Variants in GPR158 observed in about 807,000 individuals in gnomAD.
GPR158 encodes metabotropic glycine receptor.
Under a neutral mutation model 78.2 loss-of-function variants are expected in GPR158, and 30 were observed. The observed-to-expected ratio is 0.38, with a 90% confidence interval of 0.29 to 0.52. The LOEUF is 0.52. Ranked by LOEUF, GPR158 falls within the 20% of genes least tolerant of loss-of-function variation. GPR158 has a pLI of 0.83. For missense variants in GPR158, 1,463 were observed against 1,523.5 expected (o/e 0.96, Z 0.66); for synonymous variants, 581 against 591.1 (o/e 0.98, Z 0.25).
intron 1 of GPR158, among the ~76,000 whole-genome samples, chr10:25,187,420 A>G (rs1164794612): frequency 6.6e-6 from 1 of 152,164 alleles, no homozygotes; most frequent in Non-Finnish European, 1.5e-5. Flanking sequence ...AGCACATCAA[A>G]AAGCTTATCC....
In GPR158 at chr10:25,533,572, C is replaced by T. The variant is rs138416993; in HGVS notation, c.1405-17404C>T. On this transcript the variant is annotated intron_variant, in intron 5 of 10. Transcript: ENST00000376351. ...TCTACATGAATTATTCGGTTTAAAACATTCATTTTACCATTTGTTAACTTC... is the reference window on the plus strand; with the variant it reads ...TCTACATGAATTATTCGGTTTAAAATATTCATTTTACCATTTGTTAACTTC... Among the ~76,000 whole-genome samples, 141 of 152,280 alleles carry T rather than the reference C, an allele frequency of 9.3e-4. 3 individuals are homozygous for T. The South Asian group carries it at 0.024, about 26-fold the overall frequency.
chr10:25,291,727 A>G (rs902006546), intron 2 of GPR158, among the ~76,000 whole-genome samples: 1 of 152,086 alleles, frequency 6.6e-6, no homozygotes, highest in Non-Finnish European at 1.5e-5. Flanking sequence ...ATCTTTAATC[A>G]TAAATGAACT....
At chr10:25,431,286 A>T (rs1463386999) in intron 4 of GPR158, among the ~76,000 whole-genome samples, 1 of 138,670 alleles carries the variant, frequency 7.2e-6, no homozygotes. Context: ...CATCAGAGAA[A>T]TGCAAATCAA....
rs190764298 is a variant in GPR158 at position 25,217,172 on chromosome 10, T to C, written c.903-3880T>C. Among the ~76,000 whole-genome samples the C allele has an allele frequency of 7.9e-5, 12 of 152,312 alleles. No individual in the cohort carries two copies. In the East Asian group the frequency reaches 2.1e-3, roughly 27 times the overall value. On this transcript the variant is annotated intron_variant, in intron 1 of 10. Transcript: ENST00000376351. The stretch of plus-strand genomic sequence containing the variant: ...ATAAAACTTGCAAAAATAAGATATT[T>C]TGAATGCAATGGTCTCTTTCTGGTA...
intron 2 of GPR158, chr10:25,393,680 C>G (rs1296688793): frequency 6.6e-6 from 1 of 152,242 alleles, no homozygotes; most frequent in African/African-American, 2.4e-5. Flanking sequence ...TGGTTCTCCT[C>G]TATTTGGGAA....
At chr10:25,253,267 CG>C (rs1306977057) in intron 2 of GPR158, among the ~76,000 whole-genome samples, 80 of 152,234 alleles carry the variant, frequency 5.3e-4, no homozygotes, top group African/African-American at 1.8e-3. Flanking sequence ...CAGAAATCAC[CG>C]GTCTTCTGCG....
At chr10:25,370,617 TGTG>T (rs1833973561) in intron 2 of GPR158, among the ~76,000 whole-genome samples, 1 of 148,012 alleles carries the variant, frequency 6.8e-6, no homozygotes, top group Non-Finnish European at 1.5e-5. Context: ...ATAGGTGTGG[TGTG>T]GTGCTGAAAA....
chr10:25,425,281 C>G (rs973481038), intron 4 of GPR158, among the ~76,000 whole-genome samples: 4 of 152,148 alleles, frequency 2.6e-5, no homozygotes, highest in African/African-American at 9.6e-5. Flanking sequence ...AGTAGTTTTA[C>G]AAATTTACAT....
chr10:25,469,020 G>A (rs1209112247), intron 5 of GPR158, among the ~76,000 whole-genome samples: 1 of 152,188 alleles, frequency 6.6e-6, no homozygotes, highest in African/African-American at 2.4e-5. Context: ...GTAAGAGAAG[G>A]AAAGGTACGG....
At chr10:25,562,785 T>C (rs773964413) in intron 6 of GPR158, among the ~76,000 whole-genome samples, 3 of 152,226 alleles carry the variant, frequency 2.0e-5, no homozygotes, top group African/African-American at 7.2e-5. Context: ...GTCTGTAAGG[T>C]CTAGTTGGCT....
chr10:25,433,570 T>TGTGC (rs1554803626), intron 4 of GPR158, among the ~76,000 whole-genome samples: 1,392 of 128,494 alleles, frequency 0.011, 16 homozygotes, highest in African/African-American at 0.024. Context: ...TGTGTGTGTG[T>TGTGC]GCGCGCGCGC....
At chr10:25,252,105 T>G (rs985636362) in intron 2 of GPR158, among the ~76,000 whole-genome samples, 1 of 152,220 alleles carries the variant, frequency 6.6e-6, no homozygotes, top group Admixed American at 6.5e-5. Context: ...GTTGATCGCA[T>G]CAGCTCCTGA....
chr10:25,445,520 G>A lies in GPR158; in HGVS notation c.1336-21131G>A, dbSNP rs191729734. Among the ~76,000 whole-genome samples, 4 of 152,290 alleles carry A rather than the reference G, an allele frequency of 2.6e-5. No homozygotes were observed. The East Asian group carries it at 5.8e-4, about 22-fold the overall frequency. ...CAAAGAAAATGACATGGTTACATTT[G>A]TATTTCATAGAAATCTCTCTGGTTG... On this transcript the variant is annotated intron_variant, in intron 4 of 10. Coordinates refer to ENST00000376351, the MANE Select transcript of GPR158 (RefSeq NM_020752.3).
chr10:25,429,036 T>G (rs1834860070), intron 4 of GPR158, among the ~76,000 whole-genome samples: 1 of 152,068 alleles, frequency 6.6e-6, no homozygotes, highest in East Asian at 1.9e-4. Context: ...CTGTTCTGTT[T>G]AGGGATAGCC....
chr10:25,596,966 C>T (rs972040133), intron 10 of GPR158, among the ~76,000 whole-genome samples, 177 bp downstream of exon 10: 4 of 152,178 alleles, frequency 2.6e-5, no homozygotes, highest in Admixed American at 1.3e-4. Flanking sequence ...AGAGTTAATC[C>T]AGTTCTAAAA....
chr10:25,523,722 C>G (rs984797684), intron 5 of GPR158, among the ~76,000 whole-genome samples: 7 of 152,062 alleles, frequency 4.6e-5, no homozygotes, highest in African/African-American at 1.7e-4. Context: ...CCAACTAGAC[C>G]TAGCAGACAT....
chr10:25,416,518 G>A (rs374776411), intron 4 of GPR158, among the ~76,000 whole-genome samples: 3 of 152,052 alleles, frequency 2.0e-5, no homozygotes, highest in African/African-American at 4.8e-5. Flanking sequence ...AGAAAGTTAT[G>A]GAAACCTCTC....
At chr10:25,303,172 GTAAC>G (rs1047557620) in intron 2 of GPR158, among the ~76,000 whole-genome samples, 23 of 152,332 alleles carry the variant, frequency 1.5e-4, no homozygotes, top group Non-Finnish European at 2.2e-4. Context: ...TAGTTAATAA[GTAAC>G]TGCTAGCCAC....
intron 9 of GPR158, among the ~76,000 whole-genome samples, chr10:25,595,042 G>A (rs957307514): frequency 2.0e-5 from 3 of 152,074 alleles, no homozygotes; most frequent in Admixed American, 6.6e-5. Flanking sequence ...TCTCTGGGGG[G>A]AAGGTATTAT....
Sources: gnomAD v4.1 joint callset for allele counts (sites outside exome capture counted in the v4.1 genomes callset) on GRCh38, gnomAD v4.1.1 for gene constraint, MANE v1.5 for transcripts, NCBI Gene and HGNC (gene_info 2026-07-23, HGNC 2026-07-21) for gene names.